CORIN: variants seen among roughly 807,000 people sequenced by gnomAD.
The protein encoded by CORIN is corin, serine peptidase.
CORIN carries 117 observed loss-of-function variants against 125.3 expected under a neutral mutation model. The observed-to-expected ratio is 0.93, with a 90% CI of 0.80 to 1.09. The LOEUF (loss-of-function observed/expected upper bound fraction) is 1.09. Among genes scored for constraint, CORIN ranks in the 50% least tolerant of loss-of-function variants. The pLI, the probability that CORIN is intolerant of heterozygous loss-of-function variation, is 0.00. For synonymous variants in CORIN, 450 were observed against 466.4 expected (o/e 0.96, Z 0.45); for missense variants, 1,253 against 1,306.7 (o/e 0.96, Z 0.63).
intron 16 of CORIN, among the ~76,000 whole-genome samples, chr4:47,632,757 A>AGATAGATGATAGATAGAT (rs1553905922): frequency 1.5e-5 from 2 of 136,816 alleles, no homozygotes; most frequent in East Asian, 4.0e-4. Context: ...ATAGATAGAT[A>AGATAGATGATAGATAGAT]GATAGATAGA....
chr4:47,647,955 T>A (rs1430627793), intron 13 of CORIN, among the ~76,000 whole-genome samples: 1 of 152,204 alleles, frequency 6.6e-6, no homozygotes, highest in Non-Finnish European at 1.5e-5. Context: ...AAAGGAATAC[T>A]CCATAAGCAT....
intron 16 of CORIN, among the ~76,000 whole-genome samples, chr4:47,630,848 T>TAAGTCTCAGATGGGACCC (rs1722776627): frequency 6.6e-6 from 1 of 152,140 alleles, no homozygotes; most frequent in African/African-American, 2.4e-5. Context: ...CTGATTCAGT[T>TAAGTCTCAGATGGGACCC]AAGTCTCAGA....
rs1327077329 is a variant in CORIN at position 47,680,262 on chromosome 4, GA to G, written c.1022-12del. ...TTGTGGGATTGCAATCTGGAGAAAT[GA>G]AAACTCACGAGGATGCAGAGAACCA... On this transcript the variant is annotated splice_polypyrimidine_tract_variant and intron_variant, in intron 7 of 21. Coordinates refer to ENST00000273857, the MANE Select transcript of CORIN (RefSeq NM_006587.4). 4 of 1,599,072 alleles carry G rather than the reference GA, an allele frequency of 2.5e-6. No individual in the cohort carries two copies. The highest frequency in any genetic ancestry group is 3.3e-4 in the Middle Eastern group (2 of 6,030).
At chr4:47,782,446 T>C (rs1213020527) in intron 3 of CORIN, among the ~76,000 whole-genome samples, 7 of 149,436 alleles carry the variant, frequency 4.7e-5, no homozygotes, top group African/African-American at 1.5e-4. Flanking sequence ...TCTACAATAA[T>C]AGTTGGAGAC....
At chr4:47,654,235 A>G (rs1253994971) in intron 12 of CORIN, among the ~76,000 whole-genome samples, 2 of 152,208 alleles carry the variant, frequency 1.3e-5, no homozygotes, top group Non-Finnish European at 2.9e-5. Flanking sequence ...ATTATTTTTA[A>G]TTTTAAAATG....
chr4:47,773,691 A>G (rs1362813884), intron 3 of CORIN, among the ~76,000 whole-genome samples: 1 of 152,096 alleles, frequency 6.6e-6, no homozygotes, highest in Non-Finnish European at 1.5e-5. Context: ...AAACATTTAA[A>G]ATGAACTTCT....
At chr4:47,684,411 T>A (rs781757296) in intron 6 of CORIN, among the ~76,000 whole-genome samples, 9 of 152,324 alleles carry the variant, frequency 5.9e-5, no homozygotes, top group Non-Finnish European at 1.2e-4. Flanking sequence ...GCTTATAGTT[T>A]AATGTTGAAA....
At chr4:47,717,356 A>T (rs191452513) in intron 5 of CORIN, among the ~76,000 whole-genome samples, 1 of 152,164 alleles carries the variant, frequency 6.6e-6, no homozygotes, top group Admixed American at 6.5e-5. Flanking sequence ...TATCAAATGC[A>T]GACTCCCGGG....
In CORIN at chr4:47,645,314, G is replaced by C; in HGVS notation, c.1844-120C>G. On this transcript the variant is annotated intron_variant, in intron 13 of 21. Transcript: ENST00000273857. The stretch of plus-strand genomic sequence containing the variant: ...ATGTTGGCAGGGCGCAGTGGCTCAT[G>C]CCTGTAATCCCAGCACTTTGGGAGG... 4 of 578,906 alleles carry C rather than the reference G, an allele frequency of 6.9e-6. No homozygotes were observed. The South Asian group carries it at 7.8e-5, about 11-fold the overall frequency. 35.9% of individuals were successfully genotyped at this position (578,906 alleles called of 1,614,324 possible). A position where few individuals can be genotyped will look rare whatever the true frequency, so the allele number is the denominator to read the frequency against.
At chr4:47,814,996 T>C (rs1560561909) in intron 1 of CORIN, among the ~76,000 whole-genome samples, 1 of 152,120 alleles carries the variant, frequency 6.6e-6, no homozygotes, top group Non-Finnish European at 1.5e-5. Flanking sequence ...TAGATAATAA[T>C]AACCCAGTAC....
intron 1 of CORIN, among the ~76,000 whole-genome samples, chr4:47,818,702 G>A (rs1343637436): frequency 5.3e-5 from 8 of 151,842 alleles, no homozygotes; most frequent in African/African-American, 9.7e-5. Flanking sequence ...GCAAAAACTC[G>A]TCTCTAACAA....
intron 19 of CORIN, among the ~76,000 whole-genome samples, chr4:47,617,905 G>C (rs1433883732): frequency 1.3e-5 from 2 of 152,204 alleles, no homozygotes; most frequent in African/African-American, 4.8e-5. Context: ...GGGAATAGGA[G>C]AGAGAGATGT....
chr4:47,780,141 A>C (rs190827184), intron 3 of CORIN, among the ~76,000 whole-genome samples: 1 of 152,244 alleles, frequency 6.6e-6, no homozygotes, highest in Admixed American at 6.5e-5. Flanking sequence ...ACTAACTTGA[A>C]GTATTCTTGG....
intron 4 of CORIN, among the ~76,000 whole-genome samples, chr4:47,749,209 C>A (rs1157612549): frequency 3.9e-5 from 6 of 152,048 alleles, no homozygotes; most frequent in Non-Finnish European, 8.8e-5. Flanking sequence ...CTGTTTAATC[C>A]CCTCCTCTGG....
At chr4:47,604,850 C>A (rs1413131761) in intron 19 of CORIN, among the ~76,000 whole-genome samples, 3 of 152,120 alleles carry the variant, frequency 2.0e-5, no homozygotes, top group African/African-American at 7.2e-5. Flanking sequence ...TTAGTCAGAG[C>A]AATATTTAAA....
rs150716089 is a variant in CORIN at position 47,626,578 on chromosome 4, A to C, written c.2199-57T>G. ...AAAGTACAATGATCTTTGAACAGGCATTATCATTATTTAGCACTCATTCCC... is the reference window on the plus strand; with the variant it reads ...AAAGTACAATGATCTTTGAACAGGCCTTATCATTATTTAGCACTCATTCCC... On this transcript the variant is annotated intron_variant, in intron 16 of 21. Coordinates refer to ENST00000273857, the MANE Select transcript of CORIN (RefSeq NM_006587.4). 5.7e-6 allele frequency: 6 copies of C among 1,044,086 alleles called. No homozygotes were observed. In the East Asian group the frequency reaches 1.4e-4, roughly 25 times the overall value. 64.7% of individuals were successfully genotyped at this position (1,044,086 alleles called of 1,614,324 possible).
chr4:47,698,420 C>T (rs192009709), intron 5 of CORIN, among the ~76,000 whole-genome samples: 59 of 151,692 alleles, frequency 3.9e-4, no homozygotes, highest in African/African-American at 1.2e-3. Flanking sequence ...AGAGTCTGCC[C>T]GGCAGGTGTC....
At chr4:47,674,578 T>A in intron 9 of CORIN, 78 bp from the exon 10 acceptor site, 1 of 885,826 alleles carries the variant, frequency 1.1e-6, no homozygotes, top group Non-Finnish European at 1.9e-6. Flanking sequence ...ATCAGGAATG[T>A]CTGATGGAGC....
chr4:47,768,576 A>T (rs1242857703), intron 3 of CORIN, among the ~76,000 whole-genome samples: 1 of 152,234 alleles, frequency 6.6e-6, no homozygotes, highest in African/African-American at 2.4e-5. Flanking sequence ...AAAATCCTCA[A>T]CAAAATGCTG....
Sources: gnomAD v4.1 joint callset for allele counts (sites outside exome capture counted in the v4.1 genomes callset) on GRCh38, gnomAD v4.1.1 for gene constraint, MANE v1.5 for transcripts, NCBI Gene and HGNC (gene_info 2026-07-23, HGNC 2026-07-21) for gene names.